The following PDE3B variants were observed in gnomAD, a reference collection of about 807,000 sequenced individuals.
The protein encoded by PDE3B is cGMP-inhibited 3',5'-cyclic phosphodiesterase 3B.
PDE3B carries 66 observed loss-of-function variants against 116.8 expected under a neutral mutation model. That is an observed-to-expected ratio of 0.56 (90% CI 0.46 to 0.69). PDE3B has a LOEUF of 0.69. PDE3B is among the 30% of genes least tolerant of loss of function. The pLI, the probability that PDE3B is intolerant of heterozygous loss-of-function variation, is 0.00. For synonymous variants in PDE3B, 595 were observed against 533.6 expected (o/e 1.12, Z -1.59); for missense variants, 1,384 against 1,368.1 (o/e 1.01, Z -0.18).
intron 13 of PDE3B, among the ~76,000 whole-genome samples, chr11:14,859,595 A>G (rs1470426051): frequency 1.3e-5 from 2 of 152,228 alleles, no homozygotes; most frequent in Non-Finnish European, 2.9e-5. Flanking sequence ...CTCAGTGTCA[A>G]GTAAGGCATT....
intron 1 of PDE3B, among the ~76,000 whole-genome samples, chr11:14,660,602 C>T (rs372482186): frequency 5.3e-5 from 8 of 152,110 alleles, no homozygotes; most frequent in African/African-American, 1.7e-4. Flanking sequence ...CTATTCCTGG[C>T]CCCTTCTAAT....
chr11:14,851,229 T>G (rs1187738936), intron 12 of PDE3B, among the ~76,000 whole-genome samples: 1 of 152,116 alleles, frequency 6.6e-6, no homozygotes, highest in Non-Finnish European at 1.5e-5. Context: ...GTGATCTGTG[T>G]GTTTCTAATT....
intron 1 of PDE3B, among the ~76,000 whole-genome samples, chr11:14,666,769 A>G (rs1854167625): frequency 6.6e-6 from 1 of 152,218 alleles, no homozygotes; most frequent in Non-Finnish European, 1.5e-5. Flanking sequence ...ACAATCATTA[A>G]AAAGTCAGGA....
chr11:14,710,021 G>T (rs1855655343), intron 1 of PDE3B, among the ~76,000 whole-genome samples: 1 of 152,152 alleles, frequency 6.6e-6, no homozygotes, highest in Non-Finnish European at 1.5e-5. Context: ...TTGTCTTGGG[G>T]AAAAGTTGTA....
intron 7 of PDE3B, among the ~76,000 whole-genome samples, chr11:14,828,664 A>C (rs749704829): frequency 6.1e-4 from 93 of 152,300 alleles, no homozygotes; most frequent in Admixed American, 3.6e-3. Flanking sequence ...AAAATAACAG[A>C]TGCTGGCGAT....
intron 5 of PDE3B, among the ~76,000 whole-genome samples, chr11:14,811,624 G>A (rs1859134160): frequency 2.0e-5 from 3 of 152,052 alleles, no homozygotes; most frequent in South Asian, 2.1e-4. Context: ...GGCGATGTGG[G>A]CTCTTTTTTG....
downstream of PDE3B, among the ~76,000 whole-genome samples, chr11:14,875,015 C>T (rs1324786085): frequency 6.6e-6 from 1 of 152,068 alleles, no homozygotes; most frequent in Non-Finnish European, 1.5e-5. Flanking sequence ...GGTAGGAGCA[C>T]CACCATCTCC....
In PDE3B at chr11:14,726,216, G is replaced by A. The variant is rs1856301968; in HGVS notation, c.979-45721G>A. ...TATAAATAAGCCTTCTTTGACACCT[G>A]CCTATCATTCTGTATTCCCTTAGCC... On this transcript the variant is annotated intron_variant, in intron 1 of 15. Coordinates refer to ENST00000282096, the MANE Select transcript of PDE3B (RefSeq NM_000922.4). 3.3e-5 allele frequency among the ~76,000 whole-genome samples: 5 copies of A among 152,220 alleles called. No individual in the cohort carries two copies. In the South Asian group the frequency reaches 1.0e-3, roughly 32 times the overall value.
intron 12 of PDE3B, 114 bp downstream of exon 12, chr11:14,844,140 T>G: frequency 1.4e-6 from 1 of 711,716 alleles, no homozygotes; most frequent in Non-Finnish European, 2.4e-6. Context: ...CTGACTTTAA[T>G]ACCCTACATT....
chr11:14,819,171 CT>C lies in PDE3B; in HGVS notation c.1770del (p.Glu591AsnfsTer51). ...CAAATGCTGAAATATGTTTCAACAT[CT>C]GAATCAGATGGTACAGATTGCTGCA... is the stretch of plus-strand genomic sequence containing the variant. ...GHQMLKYVST[S>X]ESDGTDCCSG... On this transcript the variant is annotated frameshift_variant, in exon 7 of 16. Transcript: ENST00000282096. LOFTEE classifies it high-confidence loss of function. 7 of 1,597,928 alleles carry C rather than the reference CT, an allele frequency of 4.4e-6. No individual in the cohort carries two copies. Among genetic ancestry groups the C allele is most frequent in the Non-Finnish European group, 6.0e-6 (7 of 1,169,148 alleles).
At chr11:14,771,883 C>A in intron 1 of PDE3B, 54 bp from the exon 2 acceptor site, 1 of 718,316 alleles carries the variant, frequency 1.4e-6, no homozygotes, top group South Asian at 2.8e-5. Flanking sequence ...TTTGTCTTTA[C>A]ATATACTTTT....
chr11:14,888,739 G>A, the PDE3B span, among the ~76,000 whole-genome samples: 1 of 152,060 alleles, frequency 6.6e-6, no homozygotes, highest in Non-Finnish European at 1.5e-5. Context: ...TTTCATCTTT[G>A]AATCCTTACA....
At chr11:14,769,864 G>A (rs1003797635) in intron 1 of PDE3B, among the ~76,000 whole-genome samples, 2 of 149,350 alleles carry the variant, frequency 1.3e-5, no homozygotes, top group Non-Finnish European at 3.0e-5. Flanking sequence ...ACTGTTGAGA[G>A]TATATCACAT....
At chr11:14,722,371 A>G (rs550309664) in intron 1 of PDE3B, among the ~76,000 whole-genome samples, 15 of 152,310 alleles carry the variant, frequency 9.8e-5, no homozygotes, top group African/African-American at 2.2e-4. Flanking sequence ...CAAAAAATCC[A>G]TCTGTGTCAA....
chr11:14,882,048 C>T, the PDE3B span, among the ~76,000 whole-genome samples: 2 of 152,060 alleles, frequency 1.3e-5, no homozygotes, highest in African/African-American at 2.4e-5. Context: ...GTAAGGGGGT[C>T]ATTAGTGCTG....
chr11:14,666,347 C>T (rs984112632), intron 1 of PDE3B, among the ~76,000 whole-genome samples: 1 of 151,594 alleles, frequency 6.6e-6, no homozygotes, highest in African/African-American at 2.4e-5. Context: ...AAAACCTAGG[C>T]ATTACCGTTC....
chr11:14,776,022 C>CA (rs1200963944), intron 2 of PDE3B: 2 of 152,066 alleles, frequency 1.3e-5, no homozygotes, highest in Non-Finnish European at 2.9e-5. Context: ...GTGAGAACTA[C>CA]AAAAAATAGA....
intron 1 of PDE3B, among the ~76,000 whole-genome samples, chr11:14,679,752 C>A (rs1279230382): frequency 6.6e-6 from 1 of 151,734 alleles, no homozygotes; most frequent in Non-Finnish European, 1.5e-5. Context: ...TCTTTTCTTA[C>A]ACTAAATTTT....
intron 1 of PDE3B, among the ~76,000 whole-genome samples, chr11:14,653,645 T>C (rs1259925279): frequency 6.6e-6 from 1 of 151,854 alleles, no homozygotes. Flanking sequence ...AACACGTTTA[T>C]TATGATGAAA....
Sources: gnomAD v4.1 joint callset for allele counts (sites outside exome capture counted in the v4.1 genomes callset) on GRCh38, gnomAD v4.1.1 for gene constraint, MANE v1.5 for transcripts, NCBI Gene and HGNC (gene_info 2026-07-23, HGNC 2026-07-21) for gene names.